NAV3: variants seen among roughly 807,000 people sequenced by gnomAD.
The protein encoded by NAV3 is neuron navigator 3, also known as pore membrane and/or filament interacting like protein 1.
A neutral mutation model predicts 244.7 loss-of-function variants in NAV3; 87 were observed. That is an observed-to-expected ratio of 0.36 (90% CI 0.30 to 0.42). NAV3 has a LOEUF of 0.42. Ranked by LOEUF, NAV3 falls within the 20% of genes least tolerant of loss-of-function variation. The pLI is 1.00. For synonymous variants in NAV3, 1,126 were observed against 1,042.2 expected (o/e 1.08, Z -1.55); for missense variants, 2,663 against 2,893.3 (o/e 0.92, Z 1.83).
intron 5 of NAV3, among the ~76,000 whole-genome samples, chr12:77,985,413 T>C (rs1452879905): frequency 6.6e-6 from 1 of 152,220 alleles, no homozygotes; most frequent in Non-Finnish European, 1.5e-5. Flanking sequence ...AGCTGCTTTC[T>C]TATTTATTCA....
intron 2 of NAV3, among the ~76,000 whole-genome samples, chr12:77,666,365 A>AGAAT (rs999419893): frequency 3.9e-5 from 6 of 152,160 alleles, no homozygotes; most frequent in African/African-American, 1.4e-4. Flanking sequence ...AGATACTCAT[A>AGAAT]GAATGAATGA....
chr12:77,589,948 A>C (rs1869830345), intron 2 of NAV3, among the ~76,000 whole-genome samples: 1 of 152,240 alleles, frequency 6.6e-6, no homozygotes. Flanking sequence ...AGACAGTAAC[A>C]GTCTTTTCCC....
At chr12:77,621,836 C>A (rs1871386355) in intron 2 of NAV3, among the ~76,000 whole-genome samples, 1 of 151,962 alleles carries the variant, frequency 6.6e-6, no homozygotes, top group African/African-American at 2.4e-5. Context: ...CTCAAGAAGT[C>A]CCAGCAAAGG....
In NAV3 at chr12:78,050,045, G is replaced by A. The variant is rs2137226983; in HGVS notation, c.2076G>A (p.Leu692=). The change falls in exon 10 of 40, where the codon TTG becomes TTA. Residue 692 remains leucine (L), a synonymous_variant. Coordinates refer to ENST00000397909, the MANE Select transcript of NAV3 (RefSeq NM_001024383.2). Reference sequence around the variant, plus strand: ...GAACAGTTAAAAACATAGCAGACTTGAGGCAGAATTTAGAAGAGACTATGT... The same window carrying A: ...GAACAGTTAAAAACATAGCAGACTTAAGGCAGAATTTAGAAGAGACTATGT... The part of the protein sequence containing the change: ...RMRTVKNIAD[L]RQNLEETMSS... 1 of 1,613,324 alleles carries A rather than the reference G, an allele frequency of 6.2e-7. No individual in the cohort carries two copies. Among genetic ancestry groups the A allele is most frequent in the Non-Finnish European group, 8.5e-7 (1 of 1,179,734 alleles).
At chr12:77,930,658 C>G (rs1419438667) in intron 1 of NAV3, among the ~76,000 whole-genome samples, 1 of 152,098 alleles carries the variant, frequency 6.6e-6, no homozygotes, top group Non-Finnish European at 1.5e-5. Context: ...ATGTCTTTGC[C>G]TCTCTCTTAC....
At chr12:77,965,378 G>T (rs1316313023) in intron 3 of NAV3, among the ~76,000 whole-genome samples, 1 of 152,146 alleles carries the variant, frequency 6.6e-6, no homozygotes, top group African/African-American at 2.4e-5. Context: ...CTAAAACTTT[G>T]GGAGGCCAAG....
intron 2 of NAV3, among the ~76,000 whole-genome samples, chr12:77,585,362 C>A (rs1869551842): frequency 6.6e-6 from 1 of 152,142 alleles, no homozygotes; most frequent in African/African-American, 2.4e-5. Flanking sequence ...TCAAACACAG[C>A]GTGTTTGATT....
intron 2 of NAV3, among the ~76,000 whole-genome samples, chr12:77,585,070 A>G (rs696447): frequency 0.58 from 87,684 of 151,960 alleles, 25,538 homozygotes; most frequent in Middle Eastern, 0.74. Context: ...TGTCTATGCC[A>G]TTGTTTTTTG....
At chr12:77,832,957 A>C (rs1171760071) in intron 1 of NAV3, among the ~76,000 whole-genome samples, 1 of 152,118 alleles carries the variant, frequency 6.6e-6, no homozygotes, top group Non-Finnish European at 1.5e-5. Context: ...TAAGGAAAAA[A>C]CCTTTATACA....
At chr12:77,865,841 C>T (rs866520781) in intron 1 of NAV3, among the ~76,000 whole-genome samples, 30 of 151,318 alleles carry the variant, frequency 2.0e-4, no homozygotes, top group Admixed American at 2.0e-4. Context: ...TTAGTGGCTA[C>T]TCTGAAACAA....
chr12:77,738,106 G>A (rs958144015), intron 2 of NAV3, among the ~76,000 whole-genome samples: 2 of 152,120 alleles, frequency 1.3e-5, no homozygotes, highest in African/African-American at 4.8e-5. Flanking sequence ...GTTTAATAGT[G>A]AATCACTTAC....
At chr12:77,800,788 A>C (rs1871664403) in intron 2 of NAV3, among the ~76,000 whole-genome samples, 1 of 152,144 alleles carries the variant, frequency 6.6e-6, no homozygotes, top group Non-Finnish European at 1.5e-5. Context: ...TGTAAGATAA[A>C]ACACACAAAC....
intron 22 of NAV3, among the ~76,000 whole-genome samples, chr12:78,154,483 G>C (rs988221288): frequency 2.7e-5 from 4 of 150,526 alleles, no homozygotes; most frequent in Admixed American, 2.0e-4. Context: ...TCATCTTGTT[G>C]TGTGGCATCA....
intron 2 of NAV3, among the ~76,000 whole-genome samples, chr12:77,783,851 A>T (rs1870783754): frequency 6.6e-6 from 1 of 152,162 alleles, no homozygotes; most frequent in Non-Finnish European, 1.5e-5. Context: ...AGAGAGGCAG[A>T]TAGAGGAAAA....
intron 2 of NAV3, among the ~76,000 whole-genome samples, chr12:77,573,878 C>A (rs1868951011): frequency 6.6e-6 from 1 of 152,084 alleles, no homozygotes; most frequent in African/African-American, 2.4e-5. Context: ...TCTGCAAACA[C>A]CAAAGGAATT....
At chr12:77,858,451 C>A (rs1430752361) in intron 1 of NAV3, among the ~76,000 whole-genome samples, 1 of 152,018 alleles carries the variant, frequency 6.6e-6, no homozygotes, top group African/African-American at 2.4e-5. Flanking sequence ...ATGCATATAA[C>A]CACCAACTTA....
chr12:78,192,140 G>GA (rs5799379), intron 34 of NAV3, among the ~76,000 whole-genome samples: 35,149 of 151,590 alleles, frequency 0.23, 5,541 homozygotes, highest in African/African-American at 0.44. Context: ...TTCAGCTTAG[G>GA]AAAAAAAGTT....
intron 2 of NAV3, among the ~76,000 whole-genome samples, chr12:77,686,665 A>G (rs1874767534): frequency 6.6e-6 from 1 of 151,950 alleles, no homozygotes; most frequent in African/African-American, 2.4e-5. Flanking sequence ...CCATTTATAG[A>G]TGAGGGAACT....
chr12:77,842,167 A>G (rs1008057144), intron 1 of NAV3, among the ~76,000 whole-genome samples: 2 of 152,222 alleles, frequency 1.3e-5, no homozygotes, highest in Non-Finnish European at 2.9e-5. Context: ...GAATAAGAGA[A>G]GAACCATAAT....
Sources: gnomAD v4.1 joint callset for allele counts (sites outside exome capture counted in the v4.1 genomes callset) on GRCh38, gnomAD v4.1.1 for gene constraint, MANE v1.5 for transcripts, NCBI Gene and HGNC (gene_info 2026-07-23, HGNC 2026-07-21) for gene names.